The following LRCH1 variants were observed in gnomAD, a reference collection of about 807,000 sequenced individuals.
LRCH1 encodes the protein leucine-rich repeat and calponin homology domain-containing protein 1.
A neutral mutation model predicts 94.9 loss-of-function variants in LRCH1; 23 were observed. The ratio of observed to expected loss-of-function variants is 0.24; its 90% CI spans 0.17 to 0.34. LRCH1 has a LOEUF of 0.34. Among genes scored for constraint, LRCH1 ranks in the 10% least tolerant of loss-of-function variants. The pLI, the probability that LRCH1 is intolerant of heterozygous loss-of-function variation, is 1.00. For synonymous variants in LRCH1, 364 were observed against 354.9 expected, an observed-to-expected ratio of 1.03 and a Z score of -0.29; for missense variants, 790 against 945.9, an observed-to-expected ratio of 0.84 and a Z score of 2.16.
rs546552752 is a variant in LRCH1 at position 46,707,322 on chromosome 13, C to T, written c.1527+2018C>T. ...AATGTTTCCTTATCAGTTTGAACTTCTGCATTCTGATTTCGAATACTGCAC... is the reference window on the plus strand; with the variant it reads ...AATGTTTCCTTATCAGTTTGAACTTTTGCATTCTGATTTCGAATACTGCAC... On this transcript the variant is annotated intron_variant, in intron 13 of 19. Transcript: ENST00000389797. 2.0e-5 allele frequency among the ~76,000 whole-genome samples: 3 copies of T among 152,282 alleles called. No homozygotes were observed. In the East Asian group the frequency reaches 5.8e-4, roughly 29 times the overall value.
intron 4 of LRCH1, 119 bp downstream of exon 4, chr13:46,681,965 T>TGTGTGTGC: frequency 4.7e-6 from 3 of 639,280 alleles, no homozygotes; most frequent in Admixed American, 2.8e-5. Flanking sequence ...TGTGTGTGTG[T>TGTGTGTGC]GCCTACTACT....
At chr13:46,606,148 A>ATGTGTGTGTGTGTGTGTGTG (rs3991577) in intron 1 of LRCH1, among the ~76,000 whole-genome samples, 8 of 148,730 alleles carry the variant, frequency 5.4e-5, no homozygotes, top group African/African-American at 1.5e-4. Flanking sequence ...TTTTAACCTT[A>ATGTGTGTGTGTGTGTGTGTG]TGTGTGTGTG....
intron 2 of LRCH1, among the ~76,000 whole-genome samples, chr13:46,659,547 A>G (rs1345258828): frequency 6.6e-6 from 1 of 152,128 alleles, no homozygotes; most frequent in African/African-American, 2.4e-5. Flanking sequence ...TTCATGAACT[A>G]TTGGAACAGG....
chr13:46,591,508 A>G (rs1206075865), intron 1 of LRCH1, among the ~76,000 whole-genome samples: 1 of 151,038 alleles, frequency 6.6e-6, no homozygotes, highest in African/African-American at 2.5e-5. Context: ...ATAAATAGGA[A>G]AGGCAGTTTT....
rs1260526070 is a variant in LRCH1 at position 46,694,257 on chromosome 13, CT to C, written c.1121-634del. Among the ~76,000 whole-genome samples, 10 of 152,156 alleles carry C rather than the reference CT, an allele frequency of 6.6e-5. No homozygotes were observed. In the East Asian group the frequency reaches 1.9e-3, roughly 29 times the overall value. On this transcript the variant is annotated intron_variant, in intron 8 of 19. Coordinates refer to ENST00000389797, the MANE Select transcript of LRCH1 (RefSeq NM_001164211.2). ...GTGGCCCAGTATGGTTCTTTTTCAT[CT>C]TCAGAACAGTTGGAAGAGTTCTGCA...
intron 1 of LRCH1, among the ~76,000 whole-genome samples, chr13:46,575,209 G>C (rs2050290052): frequency 6.6e-6 from 1 of 152,102 alleles, no homozygotes; most frequent in African/African-American, 2.4e-5. Flanking sequence ...GTGCAGTGCT[G>C]CTGGTCCCCT....
chr13:46,641,957 C>A (rs548320217), intron 1 of LRCH1, among the ~76,000 whole-genome samples: 3 of 152,164 alleles, frequency 2.0e-5, no homozygotes, highest in African/African-American at 7.2e-5. Context: ...CATTAAGAGG[C>A]GGACGTGGGG....
At chr13:46,740,414 G>T (rs1213151455) in intron 19 of LRCH1, among the ~76,000 whole-genome samples, 1 of 152,142 alleles carries the variant, frequency 6.6e-6, no homozygotes, top group South Asian at 2.1e-4. Flanking sequence ...ACCTAATTTT[G>T]TAGTATTCCT....
intron 1 of LRCH1, among the ~76,000 whole-genome samples, chr13:46,563,442 A>T (rs75152391): frequency 6.6e-6 from 1 of 152,082 alleles, no homozygotes; most frequent in Non-Finnish European, 1.5e-5. Context: ...CTTATAAACT[A>T]TGTCACTTTG....
intron 3 of LRCH1, among the ~76,000 whole-genome samples, chr13:46,672,222 A>AT (rs1244934399): frequency 1.3e-5 from 2 of 150,960 alleles, no homozygotes; most frequent in East Asian, 1.9e-4. Context: ...TTGACGGCTC[A>AT]TTTTTTTTAG....
At chr13:46,740,188 G>GC (rs1873581422) in intron 19 of LRCH1, among the ~76,000 whole-genome samples, 1 of 152,154 alleles carries the variant, frequency 6.6e-6, no homozygotes, top group South Asian at 2.1e-4. Context: ...TCCATGAGCA[G>GC]CATCAGTCTC....
chr13:46,578,684 T>A (rs981260513), intron 1 of LRCH1, among the ~76,000 whole-genome samples: 11 of 152,196 alleles, frequency 7.2e-5, no homozygotes, highest in African/African-American at 1.7e-4. Flanking sequence ...GCTTAGCAAC[T>A]GGGGCAGTCC....
chr13:46,710,660 T>A (rs1361068747), intron 13 of LRCH1, among the ~76,000 whole-genome samples: 1 of 152,232 alleles, frequency 6.6e-6, no homozygotes, highest in Non-Finnish European at 1.5e-5. Context: ...TGACATTTTA[T>A]TCTAAAAATA....
At chr13:46,642,494 G>T (rs187945005) in intron 1 of LRCH1, among the ~76,000 whole-genome samples, 3 of 152,148 alleles carry the variant, frequency 2.0e-5, no homozygotes, top group Non-Finnish European at 4.4e-5. Context: ...TGAGGATTAC[G>T]TGAGGAAAAA....
At chr13:46,617,655 C>T (rs2050827130) in intron 1 of LRCH1, among the ~76,000 whole-genome samples, 1 of 152,154 alleles carries the variant, frequency 6.6e-6, no homozygotes, top group Non-Finnish European at 1.5e-5. Context: ...CCTTGCCTAA[C>T]CCTTGTCTTT....
chr13:46,571,352 C>T (rs531179269), intron 1 of LRCH1, among the ~76,000 whole-genome samples: 1 of 152,160 alleles, frequency 6.6e-6, no homozygotes, highest in Non-Finnish European at 1.5e-5. Flanking sequence ...GCCAAGAGAA[C>T]AGTTGTCAGT....
chr13:46,584,449 C>CAGTTTGAAG (rs2050408096), intron 1 of LRCH1, among the ~76,000 whole-genome samples: 1 of 152,182 alleles, frequency 6.6e-6, no homozygotes, highest in African/African-American at 2.4e-5. Context: ...GTGCACATTA[C>CAGTTTGAAG]AGTTTGAAGA....
At position 46,744,578 on chromosome 13, in the gene LRCH1, A is replaced by G; in HGVS notation, c.*2730A>G. 5 of 985,426 alleles carry G rather than the reference A, an allele frequency of 5.1e-6. No individual in the cohort carries two copies. Among genetic ancestry groups the G allele is most frequent in the Non-Finnish European group, 6.0e-6 (5 of 829,938 alleles). 61.0% of individuals were successfully genotyped at this position (985,426 alleles called of 1,614,324 possible). ...TGTATGATAATCGAGTATAAATTTCATCAATGAGAGTAGATAAATAAAGGC... is the reference window on the plus strand; with the variant it reads ...TGTATGATAATCGAGTATAAATTTCGTCAATGAGAGTAGATAAATAAAGGC... On this transcript the variant is annotated 3_prime_UTR_variant, in exon 20 of 20. Transcript: ENST00000389797.
chr13:46,712,625 C>A (rs1872128454), intron 15 of LRCH1, 28 bp downstream of exon 15: 9 of 1,572,168 alleles, frequency 5.7e-6, no homozygotes, highest in Non-Finnish European at 7.9e-6. Context: ...CCCATTCTTA[C>A]ACTAAATAAC....
Sources: allele counts gnomAD v4.1 joint callset (sites outside exome capture counted in the v4.1 genomes callset), GRCh38; gene constraint gnomAD v4.1.1; transcripts MANE v1.5; gene names NCBI Gene and HGNC (gene_info 2026-07-23, HGNC 2026-07-21).